Variants in NLGN4X observed in about 807,000 individuals in gnomAD.
NLGN4X encodes neuroligin 4 X-linked, also known as neuroligin-4, X-linked.
Under a neutral mutation model 40.3 loss-of-function variants are expected in NLGN4X, and 3 were observed. That is an observed-to-expected ratio of 0.07 (90% CI 0.03 to 0.19). NLGN4X has a LOEUF of 0.19. Among genes scored for constraint, NLGN4X ranks in the 10% least tolerant of loss-of-function variants. NLGN4X has a pLI of 1.00. For synonymous variants in NLGN4X, 270 were observed against 306.8 expected (o/e 0.88, Z 1.25); for missense variants, 382 against 708.3 (o/e 0.54, Z 5.23).
chrX:5,918,771 T>C (rs186032915), intron 3 of NLGN4X, among the ~76,000 whole-genome samples: 1 of 112,426 alleles, frequency 8.9e-6, no homozygotes, highest in Non-Finnish European at 1.9e-5. Context: ...AATGCATAAC[T>C]GGGATGTCTT....
intron 2 of NLGN4X, among the ~76,000 whole-genome samples, chrX:6,091,020 AAAGG>A (rs2038624377): frequency 1.0e-5 from 1 of 95,697 alleles, no homozygotes; most frequent in African/African-American, 3.8e-5. Context: ...AGGGATGTAG[AAAGG>A]AAGGAAGGAA....
At chrX:6,055,351 T>C (rs12558750) in intron 2 of NLGN4X, among the ~76,000 whole-genome samples, 47,195 of 110,837 alleles carry the variant, frequency 0.43, 8,624 homozygotes, top group Middle Eastern at 0.65. Context: ...ATTAAAAAAT[T>C]AGTTGGCCAT....
At chrX:6,021,077 C>CTCTCTCTCTCTCT (rs1569190248) in intron 3 of NLGN4X, among the ~76,000 whole-genome samples, 7 of 22,174 alleles carry the variant, frequency 3.2e-4, no homozygotes, top group African/African-American at 1.4e-3. Context: ...TCCCTCCCTC[C>CTCTCTCTCTCTCT]CTCTCTCTCT....
chrX:5,969,022 T>A (rs866457101), intron 3 of NLGN4X, among the ~76,000 whole-genome samples: 2 of 111,377 alleles, frequency 1.8e-5, no homozygotes, highest in Middle Eastern at 4.6e-3. Flanking sequence ...AAAAATTAAT[T>A]CAAAATGGAT....
intron 3 of NLGN4X, among the ~76,000 whole-genome samples, chrX:5,948,455 A>C (rs2034201527): frequency 8.9e-6 from 1 of 112,445 alleles, no homozygotes; most frequent in Non-Finnish European, 1.9e-5. Flanking sequence ...TACTCATGAC[A>C]AATGTGTTCT....
At chrX:6,200,234 A>T (rs1923467782) in intron 1 of NLGN4X, among the ~76,000 whole-genome samples, 1 of 112,254 alleles carries the variant, frequency 8.9e-6, no homozygotes, top group African/African-American at 3.2e-5. Context: ...GTAGACAAAG[A>T]ATAAAAAAGC....
chrX:5,995,122 A>G (rs2147109228), intron 3 of NLGN4X, among the ~76,000 whole-genome samples: 1 of 112,470 alleles, frequency 8.9e-6, no homozygotes, highest in South Asian at 3.7e-4. Flanking sequence ...ATGTAGCTAT[A>G]GTTTTGCAAG....
intron 3 of NLGN4X, among the ~76,000 whole-genome samples, chrX:5,915,322 A>G (rs1023725620): frequency 1.8e-5 from 2 of 112,189 alleles, no homozygotes; most frequent in Admixed American, 1.9e-4. Context: ...TCTAGAATTA[A>G]GCTGCATAGG....
chrX:6,178,400 C>A (rs1217017076), intron 1 of NLGN4X, among the ~76,000 whole-genome samples: 1 of 111,502 alleles, frequency 9.0e-6, no homozygotes, highest in African/African-American at 3.3e-5. Flanking sequence ...ATTGACTTTT[C>A]AAACTCTAAA....
At chrX:6,003,581 C>T (rs2036026068) in intron 3 of NLGN4X, among the ~76,000 whole-genome samples, 1 of 112,308 alleles carries the variant, frequency 8.9e-6, no homozygotes, top group Non-Finnish European at 1.9e-5. Context: ...CTCCAGAGCA[C>T]ATTAGATAAT....
chrX:6,215,269 G>A (rs971697382), intron 1 of NLGN4X, among the ~76,000 whole-genome samples: 4 of 111,306 alleles, frequency 3.6e-5, no homozygotes, highest in South Asian at 3.8e-4. Context: ...GATAAATCAC[G>A]GCCGGGCATG....
At chrX:6,047,338 C>T (rs997189496) in intron 2 of NLGN4X, among the ~76,000 whole-genome samples, 7 of 111,094 alleles carry the variant, frequency 6.3e-5, no homozygotes, top group African/African-American at 2.0e-4. Flanking sequence ...ATTAGCTGGT[C>T]GTGGGGTGTG....
At chrX:5,902,450 G>C (rs375058623) in intron 5 of NLGN4X, among the ~76,000 whole-genome samples, 2 of 110,445 alleles carry the variant, frequency 1.8e-5, no homozygotes, top group African/African-American at 6.6e-5. Context: ...CCATGAGCTC[G>C]AGGCTTCAGT....
At chrX:5,900,658 T>G (rs1203092126) in intron 5 of NLGN4X, among the ~76,000 whole-genome samples, 1 of 101,608 alleles carries the variant, frequency 9.8e-6, no homozygotes, top group Non-Finnish European at 2.0e-5. Flanking sequence ...ACTGCAGCCT[T>G]GACCTCCTGA....
chrX:6,014,664 G>T (rs1028351297), intron 3 of NLGN4X, among the ~76,000 whole-genome samples: 13 of 111,978 alleles, frequency 1.2e-4, no homozygotes, highest in Non-Finnish European at 2.3e-4. Flanking sequence ...TAATGGAACT[G>T]ATAAGTAGTT....
rs956501967 is a variant in NLGN4X, at chrX:6,074,388, C to T, written c.473-44956G>A. ...GGAAGCCTGAGGTGGGGTGGTATTA[C>T]CACTAGGTTCTTTCAGGTCTTTATG... On this transcript the variant is annotated intron_variant, in intron 2 of 5. Transcript: ENST00000381095. Among the ~76,000 whole-genome samples, 13 of 111,522 alleles carry T rather than the reference C, an allele frequency of 1.2e-4. No individual in the cohort carries two copies. The East Asian group carries it at 2.8e-3, about 24-fold the overall frequency.
At chrX:6,200,423 C>A (rs181055173) in intron 1 of NLGN4X, among the ~76,000 whole-genome samples, 2 of 111,278 alleles carry the variant, frequency 1.8e-5, no homozygotes, top group Admixed American at 1.9e-4. Flanking sequence ...AGGACTGGGA[C>A]AGCAGTTCAG....
chrX:6,104,280 A>C (rs1196977630), intron 2 of NLGN4X, among the ~76,000 whole-genome samples: 1 of 112,247 alleles, frequency 8.9e-6, no homozygotes, highest in Admixed American at 9.5e-5. Flanking sequence ...TATGCTTGTC[A>C]AGAGAACAGA....
At chrX:5,904,742 T>A (rs995734175) in intron 4 of NLGN4X, among the ~76,000 whole-genome samples, 6 of 112,059 alleles carry the variant, frequency 5.4e-5, no homozygotes, top group Non-Finnish European at 9.4e-5. Flanking sequence ...AAAATCAGCA[T>A]TCCATTTACA....
Sources: gnomAD v4.1 joint callset for allele counts (sites outside exome capture counted in the v4.1 genomes callset) on GRCh38, gnomAD v4.1.1 for gene constraint, MANE v1.5 for transcripts, NCBI Gene and HGNC (gene_info 2026-07-23, HGNC 2026-07-21) for gene names.